HELZ: variants seen among roughly 807,000 people sequenced by gnomAD.
The protein encoded by HELZ is helicase with zinc finger.
In HELZ, 23 loss-of-function variants were observed where a neutral mutation model predicts 218.2. That is an observed-to-expected ratio of 0.11 (90% CI 0.08 to 0.15). The LOEUF (loss-of-function observed/expected upper bound fraction) is 0.15, where lower values mean the gene tolerates loss of function less well. Among genes scored for constraint, HELZ ranks in the 10% least tolerant of loss-of-function variants. The probability of loss-of-function intolerance (pLI) is 1.00; values close to 1 mark genes in which losing one functional copy is unlikely to be tolerated. For synonymous variants in HELZ, 814 were observed against 829.4 expected (o/e 0.98, Z 0.32); for missense variants, 1,813 against 2,353.7 (o/e 0.77, Z 4.75).
intron 3 of HELZ, among the ~76,000 whole-genome samples, chr17:67,233,975 G>A (rs548185293): frequency 1.3e-5 from 2 of 151,148 alleles, no homozygotes; most frequent in South Asian, 4.2e-4. Flanking sequence ...GAACCCGGGA[G>A]GCAGAGGTTG....
chr17:67,140,728 G>C (rs1372459924), intron 21 of HELZ, among the ~76,000 whole-genome samples: 1 of 152,140 alleles, frequency 6.6e-6, no homozygotes, highest in Non-Finnish European at 1.5e-5. Flanking sequence ...ATACATCCAA[G>C]CTCAATGAAC....
intron 3 of HELZ, among the ~76,000 whole-genome samples, chr17:67,237,285 GA>G (rs961113228): frequency 5.9e-5 from 9 of 151,554 alleles, no homozygotes; most frequent in Non-Finnish European, 1.3e-4. Context: ...ACTCTGTCTC[GA>G]AAAAAAACAA....
chr17:67,138,337 A>C (rs567282617), intron 21 of HELZ, among the ~76,000 whole-genome samples: 22 of 152,290 alleles, frequency 1.4e-4, no homozygotes, highest in Admixed American at 2.6e-4. Flanking sequence ...CCAATAATAC[A>C]ACCAGTGAAA....
intron 23 of HELZ, among the ~76,000 whole-genome samples, chr17:67,134,600 A>G (rs1280473822): frequency 6.6e-6 from 1 of 152,114 alleles, no homozygotes; most frequent in African/African-American, 2.4e-5. Flanking sequence ...GCTTTCCCCT[A>G]TAAAGGATAT....
At position 67,071,958 on chromosome 17, in the gene HELZ, A is replaced by T. The variant is rs936115936; in HGVS notation, c.*6294T>A. On this transcript the variant is annotated 3_prime_UTR_variant, in exon 33 of 33. Coordinates refer to ENST00000358691, the MANE Select transcript of HELZ (RefSeq NM_014877.4). ...CAGAGAATCTAAAATAACTTTGTTA[A>T]CCTGAGAAACACATAATTTGAAAAA... The T allele has an allele frequency of 6.6e-6, 1 of 152,552 alleles. No homozygotes were observed. The highest frequency in any genetic ancestry group is 2.4e-5 in the African/African-American group (1 of 41,400). 9.4% of individuals were successfully genotyped at this position (152,552 alleles called of 1,614,324 possible). A position where few individuals can be genotyped will look rare whatever the true frequency, so the allele number is the denominator to read the frequency against.
intron 26 of HELZ, among the ~76,000 whole-genome samples, chr17:67,121,025 A>C (rs563613833): frequency 6.6e-6 from 1 of 152,370 alleles, no homozygotes; most frequent in Admixed American, 6.5e-5. Context: ...ACAGGGGGAA[A>C]AGTTAAGGAA....
At chr17:67,245,386 C>A (rs1236110148), upstream of HELZ, 4 of 789,976 alleles carry the variant, frequency 5.1e-6, no homozygotes, top group South Asian at 5.7e-5. Context: ...AAAATTCACC[C>A]GCATTTTTAA....
intron 27 of HELZ, among the ~76,000 whole-genome samples, chr17:67,117,157 T>C (rs1008901108): frequency 3.3e-5 from 5 of 152,112 alleles, no homozygotes; most frequent in Non-Finnish European, 7.4e-5. Context: ...GCCCGGCCCC[T>C]GATTAACATT....
At chr17:67,199,426 T>C (rs1457238777) in intron 7 of HELZ, among the ~76,000 whole-genome samples, 2 of 152,162 alleles carry the variant, frequency 1.3e-5, no homozygotes, top group Non-Finnish European at 2.9e-5. Flanking sequence ...TTGGTCAGGC[T>C]GGTCTCAAAC....
At chr17:67,189,398 A>G (rs931742047) in intron 11 of HELZ, among the ~76,000 whole-genome samples, 191 bp downstream of exon 11, 1 of 152,224 alleles carries the variant, frequency 6.6e-6, no homozygotes, top group Admixed American at 6.5e-5. Context: ...GATCTCATCT[A>G]AAAGTATTTT....
At position 67,109,594 on chromosome 17, in the gene HELZ, G is replaced by A; in HGVS notation, c.4011C>T (p.Leu1337=). The A allele has an allele frequency of 6.2e-7, 1 of 1,614,152 alleles. No homozygotes were observed. Among genetic ancestry groups the A allele is most frequent in the Non-Finnish European group, 8.5e-7 (1 of 1,179,996 alleles). The change falls in exon 29 of 33, where the codon CTC becomes CTT. Residue 1337 remains leucine (L), a synonymous_variant. Coordinates refer to ENST00000358691, the MANE Select transcript of HELZ (RefSeq NM_014877.4). ...PSTKFPRKDN[L]NPRHINLPLP... ...GGGGAAGATTTATGTGTCTTGGGTT[G>A]AGATTATCTTTGCGAGGAAATTTGG...
chr17:67,113,416 C>T (rs967322727), intron 28 of HELZ, among the ~76,000 whole-genome samples: 7 of 152,048 alleles, frequency 4.6e-5, no homozygotes, highest in Non-Finnish European at 8.8e-5. Context: ...CCCGCCACCA[C>T]GCCCGGCTAA....
intron 9 of HELZ, among the ~76,000 whole-genome samples, chr17:67,193,279 A>G (rs1043153733): frequency 2.0e-5 from 3 of 148,224 alleles, no homozygotes; most frequent in African/African-American, 7.5e-5. Context: ...TGGGAGGCAG[A>G]GATTGCGGTG....
chr17:67,174,358 G>A (rs1400287041), intron 13 of HELZ, among the ~76,000 whole-genome samples: 2 of 152,138 alleles, frequency 1.3e-5, no homozygotes, highest in African/African-American at 4.8e-5. Flanking sequence ...TGTTGCCCAG[G>A]CTGGAACACA....
At chr17:67,182,018 G>T (rs1182901486) in intron 12 of HELZ, among the ~76,000 whole-genome samples, 1 of 152,136 alleles carries the variant, frequency 6.6e-6, no homozygotes, top group Non-Finnish European at 1.5e-5. Flanking sequence ...TCCTACTGGG[G>T]CTCTTTGTCA....
chr17:67,221,352 C>T (rs1160994339), intron 3 of HELZ, among the ~76,000 whole-genome samples: 1 of 152,108 alleles, frequency 6.6e-6, no homozygotes, highest in Non-Finnish European at 1.5e-5. Context: ...TATAGACAAG[C>T]ATACACTGCT....
rs2037215794 is a variant in HELZ, at chr17:67,109,561, A to G, written c.4044T>C (p.Ala1348=). The G allele has an allele frequency of 6.2e-7, 1 of 1,614,052 alleles. No homozygotes were observed. ...NPRHINLPLP[A]PHAQYAIPNR... is the part of the protein sequence containing the mutation. Reference sequence around the variant, plus strand: ...TAGGGATTGCATACTGTGCGTGGGGAGCAGGAAGGGGAAGATTTATGTGTC... The same window carrying G: ...TAGGGATTGCATACTGTGCGTGGGGGGCAGGAAGGGGAAGATTTATGTGTC... Residue 1348 remains alanine (A), a synonymous_variant, in exon 29 of 33, where the codon GCT becomes GCC. Coordinates refer to ENST00000358691, the MANE Select transcript of HELZ (RefSeq NM_014877.4).
At chr17:67,242,272 G>A (rs181992922) in intron 2 of HELZ, among the ~76,000 whole-genome samples, 56 of 152,148 alleles carry the variant, frequency 3.7e-4, no homozygotes, top group African/African-American at 9.6e-4. Context: ...AAAATTAGCC[G>A]GGTGTGGTGG....
chr17:67,181,303 T>C (rs1049912990), intron 12 of HELZ, among the ~76,000 whole-genome samples: 3 of 152,198 alleles, frequency 2.0e-5, no homozygotes, highest in Admixed American at 1.3e-4. Flanking sequence ...AAACCTAAAA[T>C]GACAGAGCTT....
Sources: gnomAD v4.1 joint callset for allele counts (sites outside exome capture counted in the v4.1 genomes callset) on GRCh38, gnomAD v4.1.1 for gene constraint, MANE v1.5 for transcripts, NCBI Gene and HGNC (gene_info 2026-07-23, HGNC 2026-07-21) for gene names.